Variants in LRP2BP observed in about 807,000 individuals in gnomAD.
LRP2BP encodes the protein LRP2 binding protein.
LRP2BP carries 38 observed loss-of-function variants against 45.2 expected under a neutral mutation model. The observed-to-expected ratio is 0.84, with a 90% confidence interval of 0.65 to 1.10. LRP2BP has a LOEUF of 1.10. Ranked by LOEUF, LRP2BP falls within the 50% of genes least tolerant of loss-of-function variation. The probability of loss-of-function intolerance (pLI) is 0.00; values close to 1 mark genes in which losing one functional copy is unlikely to be tolerated. For synonymous variants in LRP2BP, 153 were observed against 153.9 expected, an observed-to-expected ratio of 0.99 and a Z score of 0.04; for missense variants, 385 against 418.9, an observed-to-expected ratio of 0.92 and a Z score of 0.71.
intron 1 of LRP2BP, among the ~76,000 whole-genome samples, chr4:185,389,785 A>C (rs1055888940): frequency 6.6e-6 from 1 of 152,190 alleles, no homozygotes; most frequent in Admixed American, 6.5e-5. Flanking sequence ...TACAGTAAAC[A>C]CATTTGGACC....
chr4:185,375,375 G>A (rs191877886), intron 4 of LRP2BP, among the ~76,000 whole-genome samples: 2 of 137,954 alleles, frequency 1.4e-5, no homozygotes, highest in African/African-American at 2.7e-5. Flanking sequence ...AGAATCACTC[G>A]AACCCGGGAA....
intron 1 of LRP2BP, among the ~76,000 whole-genome samples, chr4:185,385,401 A>C (rs150257458): frequency 3.9e-5 from 6 of 152,238 alleles, no homozygotes; most frequent in African/African-American, 1.4e-4. Flanking sequence ...GACATAAATC[A>C]TAAAAAGAAT....
At chr4:185,369,741 A>T (rs778079049) in intron 8 of LRP2BP, 1 of 441,476 alleles carries the variant, frequency 2.3e-6, no homozygotes, top group Admixed American at 2.5e-5. Context: ...TGACATTGGA[A>T]TCCCACAGGG....
chr4:185,385,916 G>GGGCGT (rs758927819), intron 1 of LRP2BP, among the ~76,000 whole-genome samples: 1 of 138,000 alleles, frequency 7.2e-6, no homozygotes, highest in Non-Finnish European at 1.6e-5. Context: ...GGGGGGGGGG[G>GGGCGT]AGATAAAGAA....
At chr4:185,386,192 ATTATCTTTCT>A (rs2095471422) in intron 1 of LRP2BP, among the ~76,000 whole-genome samples, 1 of 152,228 alleles carries the variant, frequency 6.6e-6, no homozygotes, top group Non-Finnish European at 1.5e-5. Flanking sequence ...AAGAAGCATA[ATTATCTTTCT>A]TGTACATGAT....
chr4:185,374,072 AAAAG>A, intron 6 of LRP2BP, 59 bp downstream of exon 6: 1 of 1,349,056 alleles, frequency 7.4e-7, no homozygotes. Flanking sequence ...TTTTCTCAAA[AAAAG>A]CAGTGAAACA....
chr4:185,383,287 C>T (rs181891801), intron 1 of LRP2BP, among the ~76,000 whole-genome samples: 158 of 152,154 alleles, frequency 1.0e-3, no homozygotes, highest in African/African-American at 3.7e-3. Context: ...GACAGGGCAA[C>T]GTAGTGAGGC....
chr4:185,388,757 A>C (rs985658634), intron 1 of LRP2BP, among the ~76,000 whole-genome samples: 4 of 152,202 alleles, frequency 2.6e-5, no homozygotes, highest in African/African-American at 9.7e-5. Context: ...TAGGTTGCAC[A>C]ACAAACATTT....
rs907911954 is a variant in LRP2BP at position 185,370,943 on chromosome 4, T to C, written c.804-129A>G. 4 of 1,022,706 alleles carry C rather than the reference T, an allele frequency of 3.9e-6. No homozygotes were observed. The Admixed American group carries it at 6.5e-5, about 17-fold the overall frequency. 63.4% of individuals were successfully genotyped at this position (1,022,706 alleles called of 1,614,324 possible). ...CTACTGCTTTGAGAACTAAGTTGTT[T>C]GCTGTGTGGGGAAGGGTCCATGTAG... On this transcript the variant is annotated intron_variant, in intron 7 of 8. Transcript: ENST00000505916.
chr4:185,382,979 A>T (rs1047461372), intron 1 of LRP2BP, among the ~76,000 whole-genome samples: 1 of 152,092 alleles, frequency 6.6e-6, no homozygotes, highest in Non-Finnish European at 1.5e-5. Flanking sequence ...TGATCCATTG[A>T]GTTCATTCTG....
chr4:185,397,284 C>A (rs748508096), upstream of LRP2BP: 28 of 1,613,822 alleles, frequency 1.7e-5, no homozygotes, highest in South Asian at 2.5e-4. Flanking sequence ...TGCAAACGGG[C>A]GCTGACCTCA....
At chr4:185,397,073 C>T, upstream of LRP2BP, 3 of 1,608,940 alleles carry the variant, frequency 1.9e-6, no homozygotes, top group Middle Eastern at 1.9e-4. Context: ...TTGTGAAGGG[C>T]GGGGAGGTTT....
At chr4:185,396,795 C>T (rs1262662161), upstream of LRP2BP, 26 of 1,032,580 alleles carry the variant, frequency 2.5e-5, no homozygotes, top group African/African-American at 1.3e-4. Context: ...AGGGCCGGCC[C>T]GGAAGTCCCA....
At chr4:185,378,058 A>G (rs766002200) in intron 2 of LRP2BP, 23 bp downstream of exon 2, 1 of 1,572,374 alleles carries the variant, frequency 6.4e-7, no homozygotes, top group South Asian at 1.1e-5. Flanking sequence ...TTCCAAGGGA[A>G]GCTTAAATAT....
chr4:185,372,969 G>A lies in LRP2BP; in HGVS notation c.690C>T (p.Ala230=). Reference sequence around the variant, plus strand: ...CTGCTGCTTCTCTTAAGCACTGCAGGGCAGCTTCCGTATCCTGCCGGATGC... The same window carrying A: ...CTGCTGCTTCTCTTAAGCACTGCAGAGCAGCTTCCGTATCCTGCCGGATGC... ...GQGIRQDTEA[A]LQCLREAAER... is the part of the protein sequence containing the mutation. Residue 230 remains alanine, a synonymous_variant, in exon 7 of 9, where the codon GCC becomes GCT. Coordinates refer to ENST00000505916, the MANE Select transcript of LRP2BP (RefSeq NM_001377440.1). The A allele has an allele frequency of 1.2e-6, 2 of 1,613,948 alleles. No homozygotes were observed. The highest frequency in any genetic ancestry group is 1.7e-6 in the Non-Finnish European group (2 of 1,179,894).
In LRP2BP at chr4:185,395,153, G is replaced by A; in HGVS notation, c.-396C>T. 1 of 985,388 alleles carries A rather than the reference G, an allele frequency of 1.0e-6. No homozygotes were observed. Among genetic ancestry groups the A allele is most frequent in the South Asian group, 4.7e-5 (1 of 21,280 alleles). The allele number at this position is 985,388 out of a possible 1,614,324, so 61.0% of individuals were successfully genotyped here. A position where few individuals can be genotyped will look rare whatever the true frequency, so the allele number is the denominator to read the frequency against. ...CGCTGTGATTAAAGGGAGAAAAGCTGTAACGACTCCCCAAATTTCCTTTCC... is the reference window on the plus strand; with the variant it reads ...CGCTGTGATTAAAGGGAGAAAAGCTATAACGACTCCCCAAATTTCCTTTCC... On this transcript the variant is annotated 5_prime_UTR_variant, in exon 1 of 9. Transcript: ENST00000505916.
Position 185,395,110 on chromosome 4 carries a change from G to A in LRP2BP, c.-353C>T. ...TACAACTTTTTTTTCTGAAAACAAT[G>A]TGAGCAATGGACAGGTACGCTGTGA... On this transcript the variant is annotated 5_prime_UTR_variant, in exon 1 of 9. Transcript: ENST00000505916. 1.0e-6 allele frequency: 1 copy of A among 985,240 alleles called. No individual in the cohort carries two copies. The allele number at this position is 985,240 out of a possible 1,614,324, so 61.0% of individuals were successfully genotyped here.
chr4:185,396,964 T>G, upstream of LRP2BP: 2 of 1,613,402 alleles, frequency 1.2e-6, no homozygotes, highest in Non-Finnish European at 1.7e-6. Flanking sequence ...AGATTCGGGC[T>G]CACAGAGCCC....
chr4:185,390,413 G>A (rs1234186880), intron 1 of LRP2BP, among the ~76,000 whole-genome samples: 2 of 151,966 alleles, frequency 1.3e-5, no homozygotes, highest in African/African-American at 4.8e-5. Flanking sequence ...CAGCTACTAG[G>A]GAGGCTGAGG....
Sources: allele counts gnomAD v4.1 joint callset (sites outside exome capture counted in the v4.1 genomes callset), GRCh38; gene constraint gnomAD v4.1.1; transcripts MANE v1.5; gene names NCBI Gene and HGNC (gene_info 2026-07-23, HGNC 2026-07-21).